HIPK1: variants seen among roughly 807,000 people sequenced by gnomAD.
HIPK1 encodes the protein homeodomain interacting protein kinase 1.
Under a neutral mutation model 117.1 loss-of-function variants are expected in HIPK1, and 28 were observed. The observed-to-expected ratio is 0.24, with a 90% CI of 0.18 to 0.33. The LOEUF (loss-of-function observed/expected upper bound fraction) is 0.33, where lower values mean the gene tolerates loss of function less well. Ranked by LOEUF, HIPK1 falls within the 10% of genes least tolerant of loss-of-function variation. The pLI is 1.00. For missense variants in HIPK1, 1,122 were observed against 1,475.1 expected, an observed-to-expected ratio of 0.76 and a Z score of 3.92; for synonymous variants, 605 against 562.5, an observed-to-expected ratio of 1.08 and a Z score of -1.07.
At chr1:113,932,899 A>G (rs1669992766) in intron 1 of HIPK1, among the ~76,000 whole-genome samples, 1 of 152,088 alleles carries the variant, frequency 6.6e-6, no homozygotes, top group Admixed American at 6.6e-5. Flanking sequence ...TCCATTCTCC[A>G]AACTGCTGTT....
At chr1:113,950,539 C>G (rs1374148452) in intron 2 of HIPK1, among the ~76,000 whole-genome samples, 2 of 152,188 alleles carry the variant, frequency 1.3e-5, no homozygotes, top group African/African-American at 4.8e-5. Flanking sequence ...GAGTCTCGCT[C>G]TGTCGCCCAG....
intron 1 of HIPK1, among the ~76,000 whole-genome samples, chr1:113,933,396 A>G (rs1199683229): frequency 6.6e-6 from 1 of 152,220 alleles, no homozygotes; most frequent in Admixed American, 6.5e-5. Flanking sequence ...GCGCAGATGA[A>G]ACAAGGCTGT....
Position 113,970,084 on chromosome 1 carries a change from C to T in HIPK1, c.2900C>T (p.Ser967Phe), listed in dbSNP as rs1416412142. Reference protein sequence around the residue: ...TLSALRGNSGSVLEGPGRVVA... With the variant: ...TLSALRGNSGFVLEGPGRVVA... ...AGTGCTCTCCGAGGCAATAGTGGAT[C>T]CGTTTTGGAGGGGCCTGGCAGAGTT... Residue 967 changes from serine to phenylalanine, a missense_variant, in exon 14 of 16, where the codon TCC becomes TTC. Around this residue, in one of 6 missense-constraint regions of HIPK1, gnomAD observed 731 missense variants for 860.4 expected, o/e 0.85. Transcript: ENST00000426820. 6.2e-7 allele frequency: 1 copy of T among 1,614,044 alleles called. No homozygotes were observed. The highest frequency in any genetic ancestry group is 8.5e-7 in the Non-Finnish European group (1 of 1,180,036).
At chr1:113,965,728 T>G (rs1193758948) in intron 10 of HIPK1, among the ~76,000 whole-genome samples, 1 of 152,202 alleles carries the variant, frequency 6.6e-6, no homozygotes. Flanking sequence ...GCAGTCAGAT[T>G]AAAAAATTTT....
chr1:113,937,452 G>A (rs1276133784), intron 1 of HIPK1, among the ~76,000 whole-genome samples: 2 of 151,960 alleles, frequency 1.3e-5, no homozygotes, highest in Admixed American at 1.3e-4. Flanking sequence ...AGATAAAAAG[G>A]AGGGAAGACA....
At chr1:113,932,951 ATTG>A (rs1669996051) in intron 1 of HIPK1, among the ~76,000 whole-genome samples, 1 of 151,984 alleles carries the variant, frequency 6.6e-6, no homozygotes, top group Non-Finnish European at 1.5e-5. Flanking sequence ...TTGCTGGCAT[ATTG>A]TTTATGTTTC....
At position 113,955,663 on chromosome 1, in the gene HIPK1, G is replaced by C; in HGVS notation, c.1407+14G>C. On this transcript the variant is annotated intron_variant, in intron 5 of 15. Coordinates refer to ENST00000426820, the MANE Select transcript of HIPK1 (RefSeq NM_198268.3). ...GACATGGCTCAGGTGAGTACGGAAA[G>C]TTTCAGAAAGTCAGACATTTATTTT... 7.1e-7 allele frequency: 1 copy of C among 1,415,376 alleles called. No homozygotes were observed. The highest frequency in any genetic ancestry group is 2.3e-5 in the East Asian group (1 of 43,672). The allele number at this position is 1,415,376 out of a possible 1,614,324, so 87.7% of individuals were successfully genotyped here. A position where few individuals can be genotyped will look rare whatever the true frequency, so the allele number is the denominator to read the frequency against.
Position 113,975,912 on chromosome 1 carries a change from G to A in HIPK1, c.*2400G>A, listed in dbSNP as rs1673112396. 6.5e-6 allele frequency: 1 copy of A among 152,730 alleles called. No individual in the cohort carries two copies. Among genetic ancestry groups the A allele is most frequent in the Admixed American group, 6.5e-5 (1 of 15,284 alleles). The allele number at this position is 152,730 out of a possible 1,614,324, so 9.5% of individuals were successfully genotyped here. A position where few individuals can be genotyped will look rare whatever the true frequency, so the allele number is the denominator to read the frequency against. Reference sequence around the variant, plus strand: ...CATTCCTGCCCATAAAGGATTTGGGGAAAGAAGATTAATCCTAAAATACAG... The same window carrying A: ...CATTCCTGCCCATAAAGGATTTGGGAAAAGAAGATTAATCCTAAAATACAG... On this transcript the variant is annotated 3_prime_UTR_variant, in exon 16 of 16. Transcript: ENST00000426820.
intron 3 of HIPK1, among the ~76,000 whole-genome samples, chr1:113,954,278 C>T (rs1671565420): frequency 6.6e-6 from 1 of 152,154 alleles, no homozygotes; most frequent in African/African-American, 2.4e-5. Context: ...TGTCAAATAT[C>T]TTTACTTGTC....
intron 1 of HIPK1, chr1:113,930,448 A>G (rs1395756215): frequency 6.6e-6 from 1 of 152,262 alleles, no homozygotes; most frequent in African/African-American, 2.4e-5. Flanking sequence ...TGTAGTCGTT[A>G]GGCTTGTAAT....
Position 113,967,823 on chromosome 1 carries a change from G to A in HIPK1, c.2439G>A (p.Leu813=). 2 of 1,611,356 alleles carry A rather than the reference G, an allele frequency of 1.2e-6. No individual in the cohort carries two copies. The highest frequency in any genetic ancestry group is 1.7e-6 in the Non-Finnish European group (2 of 1,179,296). Residue 813 remains leucine, a synonymous_variant, in exon 12 of 16, where the codon CTG becomes CTA. Coordinates refer to ENST00000426820, the MANE Select transcript of HIPK1 (RefSeq NM_198268.3). ...CTATCATGCAGCAGCCATCCTTGCT[G>A]ACTAACCATGTGACATTGGCCACTG... is the stretch of plus-strand genomic sequence containing the variant. ...YSTIMQQPSL[L]TNHVTLATAQ...
chr1:113,960,696 C>T (rs1183402431), intron 8 of HIPK1, among the ~76,000 whole-genome samples: 1 of 152,154 alleles, frequency 6.6e-6, no homozygotes, highest in Non-Finnish European at 1.5e-5. Flanking sequence ...CCTACGGAAG[C>T]ATGGCTGGCA....
Position 113,974,296 on chromosome 1 carries a change from C to A in HIPK1, c.*784C>A, listed in dbSNP as rs1173846684. On this transcript the variant is annotated 3_prime_UTR_variant, in exon 16 of 16. Coordinates refer to ENST00000426820, the MANE Select transcript of HIPK1 (RefSeq NM_198268.3). Reference sequence around the variant, plus strand: ...CCAAGTATTCTTTTTAAATGAAGCACCATGAATTCTTTTTTAAATTATTTT... The same window carrying A: ...CCAAGTATTCTTTTTAAATGAAGCAACATGAATTCTTTTTTAAATTATTTT... 1 of 152,754 alleles carries A rather than the reference C, an allele frequency of 6.5e-6. No homozygotes were observed. Among genetic ancestry groups the A allele is most frequent in the Non-Finnish European group, 1.5e-5 (1 of 68,018 alleles). The allele number at this position is 152,754 out of a possible 1,614,324, so 9.5% of individuals were successfully genotyped here. A position where few individuals can be genotyped will look rare whatever the true frequency, so the allele number is the denominator to read the frequency against.
chr1:113,932,416 C>T (rs913842654), intron 1 of HIPK1, among the ~76,000 whole-genome samples: 51 of 146,442 alleles, frequency 3.5e-4, no homozygotes, highest in African/African-American at 1.0e-3. Flanking sequence ...CTCGCCCTGT[C>T]GCCCAGGTCG....
intron 2 of HIPK1, among the ~76,000 whole-genome samples, chr1:113,943,830 A>T (rs1430068756): frequency 1.3e-5 from 2 of 152,096 alleles, no homozygotes; most frequent in Non-Finnish European, 1.5e-5. Flanking sequence ...GTTTATTTTT[A>T]CAGAGACAGG....
intron 2 of HIPK1, 39 bp from the exon 3 acceptor site, chr1:113,952,727 T>C: frequency 1.7e-6 from 1 of 573,422 alleles, no homozygotes; most frequent in Non-Finnish European, 2.4e-6. Flanking sequence ...CCAAATAATG[T>C]TTTTTTTTTT....
rs1410833144 is a variant in HIPK1, at chr1:113,969,519, G to T, written c.2772-437G>T. On this transcript the variant is annotated intron_variant, in intron 13 of 15. Coordinates refer to ENST00000426820, the MANE Select transcript of HIPK1 (RefSeq NM_198268.3). ...GTGCCTGATACATAAGTACCCAGAA[G>T]TTTACTGCTGCTAATATTACTATTA... is the stretch of plus-strand genomic sequence containing the variant. Among the ~76,000 whole-genome samples the T allele has an allele frequency of 3.3e-5, 5 of 152,132 alleles. No homozygotes were observed. In the East Asian group the frequency reaches 9.6e-4, roughly 29 times the overall value.
rs149548879 is a variant in HIPK1 at position 113,971,852 on chromosome 1, C to T, written c.3042C>T (p.Val1014=). The change falls in exon 15 of 16, where the codon GTC becomes GTT. Residue 1014 remains valine, a synonymous_variant. Transcript: ENST00000426820. ...SGLLSNKTKP[V]ASVSGQSSGC... Reference sequence around the variant, plus strand: ...TCCTGAGCAATAAGACTAAGCCAGTCGCTTCAGTGAGTGGGCAGTCATCTG... The same window carrying T: ...TCCTGAGCAATAAGACTAAGCCAGTTGCTTCAGTGAGTGGGCAGTCATCTG... 7.4e-5 allele frequency: 118 copies of T among 1,598,702 alleles called. No homozygotes were observed. The highest frequency in any genetic ancestry group is 9.4e-5 in the Non-Finnish European group (111 of 1,175,286).
At chr1:113,942,040 C>T (rs867965255) in intron 2 of HIPK1, among the ~76,000 whole-genome samples, 14 of 151,938 alleles carry the variant, frequency 9.2e-5, no homozygotes, top group South Asian at 4.2e-4. Context: ...GGATTACAGG[C>T]GTGAGCCACC....
Sources: gnomAD v4.1 joint callset for allele counts (sites outside exome capture counted in the v4.1 genomes callset) on GRCh38, gnomAD v4.1.1 for gene constraint, gnomAD v4.1.1 regional missense constraint, MANE v1.5 for transcripts, NCBI Gene and HGNC (gene_info 2026-07-23, HGNC 2026-07-21) for gene names.